Variants in ANO10 observed in about 807,000 individuals in gnomAD.
The protein encoded by ANO10 is anoctamin-10.
Under a neutral mutation model 74.7 loss-of-function variants are expected in ANO10, and 77 were observed. That is an observed-to-expected ratio of 1.03 (90% confidence interval 0.86 to 1.25). The LOEUF is 1.25. Among genes scored for constraint, ANO10 ranks in the 50% most tolerant of loss-of-function variants. The pLI is 0.00. For synonymous variants in ANO10, 279 were observed against 284.9 expected, an observed-to-expected ratio of 0.98 and a Z score of 0.21; for missense variants, 721 against 778.1, an observed-to-expected ratio of 0.93 and a Z score of 0.87.
At chr3:43,410,513 G>A (rs1233489183) in intron 12 of ANO10, among the ~76,000 whole-genome samples, 1 of 152,058 alleles carries the variant, frequency 6.6e-6, no homozygotes, top group African/African-American at 2.4e-5. Context: ...ATTCTGCAAG[G>A]CAATACTATT....
chr3:43,501,258 C>A (rs1336618062), intron 11 of ANO10, among the ~76,000 whole-genome samples: 1 of 152,178 alleles, frequency 6.6e-6, no homozygotes, highest in East Asian at 1.9e-4. Flanking sequence ...AGGTACCAGG[C>A]TCTTTAACAA....
At chr3:43,497,763 T>G (rs1328247229) in intron 11 of ANO10, among the ~76,000 whole-genome samples, 1 of 152,212 alleles carries the variant, frequency 6.6e-6, no homozygotes, top group Non-Finnish European at 1.5e-5. Flanking sequence ...GATTTGTATA[T>G]TTCTGTGATA....
chr3:43,384,133 G>A (rs187291149), intron 12 of ANO10, among the ~76,000 whole-genome samples: 12 of 151,822 alleles, frequency 7.9e-5, no homozygotes, highest in African/African-American at 2.9e-4. Flanking sequence ...CAGCGACCAA[G>A]CTGAGAATCA....
At chr3:43,501,901 G>A (rs570719567) in intron 11 of ANO10, among the ~76,000 whole-genome samples, 5 of 152,304 alleles carry the variant, frequency 3.3e-5, no homozygotes, top group Non-Finnish European at 5.9e-5. Flanking sequence ...AAGCCACAGA[G>A]TACAAGAACA....
At chr3:43,396,395 G>C (rs935404543) in intron 12 of ANO10, among the ~76,000 whole-genome samples, 1 of 151,786 alleles carries the variant, frequency 6.6e-6, no homozygotes, top group Non-Finnish European at 1.5e-5. Flanking sequence ...CTGGAGTGCA[G>C]TGGCGCAATC....
intron 4 of ANO10, among the ~76,000 whole-genome samples, chr3:43,590,908 C>A (rs1178827074): frequency 1.3e-5 from 2 of 152,152 alleles, no homozygotes; most frequent in African/African-American, 4.8e-5. Flanking sequence ...GGGCTTGTAA[C>A]TCAACTCACA....
chr3:43,567,014 GC>G (rs1487536897), intron 7 of ANO10, among the ~76,000 whole-genome samples: 10 of 152,238 alleles, frequency 6.6e-5, no homozygotes, highest in African/African-American at 9.6e-5. Flanking sequence ...GAAAACCAAG[GC>G]TCGAGAACTA....
chr3:43,538,133 G>C (rs2078797004), intron 11 of ANO10, among the ~76,000 whole-genome samples: 1 of 152,040 alleles, frequency 6.6e-6, no homozygotes, highest in South Asian at 2.1e-4. Flanking sequence ...CCCTATTTTT[G>C]ATATAAAATT....
At chr3:43,515,437 G>A (rs2077671146) in intron 11 of ANO10, among the ~76,000 whole-genome samples, 1 of 152,270 alleles carries the variant, frequency 6.6e-6, no homozygotes, top group Admixed American at 6.5e-5. Context: ...TCCAGACTAG[G>A]ACTGGAATGA....
At chr3:43,476,942 A>G (rs911448215) in intron 11 of ANO10, among the ~76,000 whole-genome samples, 8 of 152,240 alleles carry the variant, frequency 5.3e-5, no homozygotes, top group African/African-American at 1.9e-4. Context: ...AGATCTCCAC[A>G]GTGGGCAGAT....
chr3:43,683,106 A>C (rs916785057), intron 1 of ANO10, among the ~76,000 whole-genome samples: 1 of 152,194 alleles, frequency 6.6e-6, no homozygotes, highest in Non-Finnish European at 1.5e-5. Flanking sequence ...GAAGGAAATA[A>C]AGGGTATTCA....
intron 11 of ANO10, among the ~76,000 whole-genome samples, chr3:43,449,390 T>G (rs949980681): frequency 6.6e-6 from 1 of 152,110 alleles, no homozygotes; most frequent in Non-Finnish European, 1.5e-5. Flanking sequence ...AATTAATTAC[T>G]AAACCCTAGA....
At chr3:43,373,907 G>A (rs2091706587) in intron 12 of ANO10, among the ~76,000 whole-genome samples, 1 of 152,224 alleles carries the variant, frequency 6.6e-6, no homozygotes, top group South Asian at 2.1e-4. Context: ...TGTCGTCAGA[G>A]GCAGCAAGCC....
intron 1 of ANO10, among the ~76,000 whole-genome samples, chr3:43,653,986 C>A (rs2083818288): frequency 6.7e-6 from 1 of 150,358 alleles, no homozygotes. Context: ...CCTTGTCACA[C>A]CTGGATATGA....
Position 43,416,200 on chromosome 3 carries a change from T to C in ANO10, c.1914+16411A>G, listed in dbSNP as rs577946323. On this transcript the variant is annotated intron_variant, in intron 12 of 12. Coordinates refer to ENST00000292246, the MANE Select transcript of ANO10 (RefSeq NM_018075.5). ...AAATATGCCTATCTTTTTTCAGAAATATTCAAACAAAAAGTGTCTACAAAT... is the reference window on the plus strand; with the variant it reads ...AAATATGCCTATCTTTTTTCAGAAACATTCAAACAAAAAGTGTCTACAAAT... Among the ~76,000 whole-genome samples the C allele has an allele frequency of 2.0e-5, 3 of 152,342 alleles. No individual in the cohort carries two copies. The South Asian group carries it at 6.2e-4, about 32-fold the overall frequency.
chr3:43,576,961 G>T lies in ANO10; in HGVS notation c.893C>A (p.Thr298Asn). The T allele has an allele frequency of 1.2e-6, 2 of 1,614,002 alleles. No homozygotes were observed. Reference sequence around the variant, plus strand: ...GGGGTACAGAGGCTCCTCCTTCCCAGTGATGGAATTGATACCCAAGACACC... The same window carrying T: ...GGGGTACAGAGGCTCCTCCTTCCCATTGATGGAATTGATACCCAAGACACC... ...FHGVLGINSI[T>N]GKEEPLYPSY... The change falls in exon 6 of 13, where the codon ACT becomes AAT. Residue 298 changes from threonine (T) to asparagine (N), a missense_variant. By Grantham distance (65) the Thr-to-Asn change is moderately conservative. Transcript: ENST00000292246.
chr3:43,595,223 A>C (rs148738106), intron 4 of ANO10, among the ~76,000 whole-genome samples: 13,966 of 152,242 alleles, frequency 0.092, 997 homozygotes, highest in African/African-American at 0.2. Context: ...AAACTATTCC[A>C]ATCAATAGAA....
intron 1 of ANO10, among the ~76,000 whole-genome samples, chr3:43,669,400 C>G (rs1199389250): frequency 6.6e-6 from 1 of 152,070 alleles, no homozygotes; most frequent in Non-Finnish European, 1.5e-5. Context: ...CATGAATGGT[C>G]TCCCTGGAGT....
rs554098762 is a variant in ANO10 at position 43,541,816 on chromosome 3, T to C, written c.1797+7904A>G. Among the ~76,000 whole-genome samples the C allele has an allele frequency of 2.6e-5, 4 of 152,306 alleles. No individual in the cohort carries two copies. The South Asian group carries it at 8.3e-4, about 32-fold the overall frequency. On this transcript the variant is annotated intron_variant, in intron 11 of 12. Transcript: ENST00000292246. ...TGGTAATGGAGCCACGTGATTGTCA[T>C]ACAGTTTTAGTAAATGATAACAGTG...
Sources: allele counts gnomAD v4.1 joint callset (sites outside exome capture counted in the v4.1 genomes callset), GRCh38; gene constraint gnomAD v4.1.1; transcripts MANE v1.5; gene names NCBI Gene and HGNC (gene_info 2026-07-23, HGNC 2026-07-21).